BRINP3: variants seen among roughly 807,000 people sequenced by gnomAD.
BRINP3 encodes the protein BMP/retinoic acid-inducible neural-specific protein 3.
BRINP3 carries 19 observed loss-of-function variants against 71.0 expected under a neutral mutation model. That is an observed-to-expected ratio of 0.27 (90% confidence interval 0.19 to 0.39). The LOEUF is 0.39. BRINP3 is among the 10% of genes least tolerant of loss of function. The pLI is 1.00. For missense variants in BRINP3, 959 were observed against 940.8 expected (o/e 1.02, Z -0.25); for synonymous variants, 380 against 337.7 (o/e 1.13, Z -1.37).
chr1:190,470,191 T>C (rs1287550449), intron 1 of BRINP3, among the ~76,000 whole-genome samples: 1 of 150,514 alleles, frequency 6.6e-6, no homozygotes, highest in Admixed American at 6.6e-5. Context: ...GAAAAGTTAA[T>C]AAAAAAAAGC....
At chr1:190,286,860 CT>C (rs1180254830) in intron 2 of BRINP3, among the ~76,000 whole-genome samples, 3 of 151,988 alleles carry the variant, frequency 2.0e-5, no homozygotes, top group Non-Finnish European at 2.9e-5. Flanking sequence ...AGAAATGGCA[CT>C]AATGTCAATA....
At position 190,164,286 on chromosome 1, in the gene BRINP3, A is replaced by G. The variant is rs370338585; in HGVS notation, c.962-3396T>C. On this transcript the variant is annotated intron_variant, in intron 6 of 7. Transcript: ENST00000367462. The stretch of plus-strand genomic sequence containing the variant: ...AAGTTTTCTAGAGTTTTGAGGGTAT[A>G]TAATTTACTTCCTGAATTATGTAAA... 4.6e-5 allele frequency among the ~76,000 whole-genome samples: 7 copies of G among 152,296 alleles called. No individual in the cohort carries two copies. In the East Asian group the frequency reaches 1.3e-3, roughly 29 times the overall value.
intron 7 of BRINP3, among the ~76,000 whole-genome samples, chr1:190,099,706 C>T (rs1453208675): frequency 1.3e-5 from 2 of 152,154 alleles, no homozygotes; most frequent in Non-Finnish European, 2.9e-5. Context: ...TTGTCATCAA[C>T]ATTGAAAGAA....
intron 1 of BRINP3, among the ~76,000 whole-genome samples, chr1:190,459,063 A>T (rs896130156): frequency 5.9e-5 from 9 of 151,850 alleles, no homozygotes; most frequent in African/African-American, 2.2e-4. Context: ...ATAAAAAATA[A>T]GTCATAAATA....
intron 4 of BRINP3, among the ~76,000 whole-genome samples, chr1:190,251,334 C>G (rs1211930334): frequency 6.6e-6 from 1 of 151,944 alleles, no homozygotes; most frequent in African/African-American, 2.4e-5. Flanking sequence ...AAAATATTAA[C>G]TCTCCCTATT....
At chr1:190,234,512 C>A in intron 4 of BRINP3, 35 bp from the exon 5 acceptor site, 1 of 1,496,452 alleles carries the variant, frequency 6.7e-7, no homozygotes, top group Non-Finnish European at 9.3e-7. Flanking sequence ...TTATCTAAAT[C>A]AGACTTTACA....
At chr1:190,430,808 G>A (rs1674045899) in intron 2 of BRINP3, among the ~76,000 whole-genome samples, 1 of 152,064 alleles carries the variant, frequency 6.6e-6, no homozygotes, top group Non-Finnish European at 1.5e-5. Context: ...TATGAAGCAA[G>A]GAATCCAGTT....
intron 7 of BRINP3, among the ~76,000 whole-genome samples, chr1:190,105,124 C>A (rs560909987): frequency 6.6e-6 from 1 of 152,210 alleles, no homozygotes; most frequent in Admixed American, 6.5e-5. Flanking sequence ...GTCACTGTCT[C>A]TCCAGACTCT....
intron 6 of BRINP3, among the ~76,000 whole-genome samples, chr1:190,193,979 C>A (rs1030115450): frequency 6.6e-6 from 1 of 152,100 alleles, no homozygotes; most frequent in African/African-American, 2.4e-5. Context: ...CTCACCCCAC[C>A]TTTTGTTTAA....
chr1:190,450,251 C>T (rs774588247), intron 2 of BRINP3, among the ~76,000 whole-genome samples: 80 of 152,114 alleles, frequency 5.3e-4, no homozygotes, highest in Non-Finnish European at 9.3e-4. Flanking sequence ...TGACACAGCT[C>T]CCTTCTGTAT....
intron 2 of BRINP3, among the ~76,000 whole-genome samples, chr1:190,401,222 G>A (rs751776343): frequency 8.6e-5 from 13 of 151,788 alleles, no homozygotes; most frequent in African/African-American, 2.9e-4. Flanking sequence ...GCTGGGCATC[G>A]TGTTGGGCGC....
chr1:190,161,041 A>G (rs990384994), intron 6 of BRINP3, 151 bp from the exon 7 acceptor site: 1 of 562,900 alleles, frequency 1.8e-6, no homozygotes, highest in African/African-American at 1.9e-5. Flanking sequence ...TGAGTAGCAA[A>G]TTAATAGAAG....
At chr1:190,476,544 C>T (rs541235040) in intron 1 of BRINP3, among the ~76,000 whole-genome samples, 31 of 152,226 alleles carry the variant, frequency 2.0e-4, no homozygotes, top group African/African-American at 7.5e-4. Flanking sequence ...CAGTTAAGTC[C>T]ATAGAAATGT....
At chr1:190,313,112 A>G (rs192342930) in intron 2 of BRINP3, among the ~76,000 whole-genome samples, 1 of 152,050 alleles carries the variant, frequency 6.6e-6, no homozygotes, top group East Asian at 1.9e-4. Flanking sequence ...TTGAAAAAAA[A>G]TAAGTAAAAT....
intron 2 of BRINP3, among the ~76,000 whole-genome samples, chr1:190,442,055 A>C (rs1448174833): frequency 6.6e-6 from 1 of 152,176 alleles, no homozygotes; most frequent in African/African-American, 2.4e-5. Flanking sequence ...GGGAAAAAAA[A>C]CAAAACCCTA....
Position 190,160,693 on chromosome 1 carries a change from G to A in BRINP3, c.1159C>T (p.Pro387Ser). ...FSLSKRCHKQ[P>S]LISLPRQRTS... is the part of the protein sequence containing the mutation. Reference sequence around the variant, plus strand: ...CTTTGTCTTGGCAGGCTGATGAGGGGTTGTTTATGACACCTCTTGCTAAGG... The same window carrying A: ...CTTTGTCTTGGCAGGCTGATGAGGGATTGTTTATGACACCTCTTGCTAAGG... The change falls in exon 7 of 8, where the codon CCC becomes TCC. Residue 387 changes from proline to serine, a missense_variant. Pro to Ser is a moderately conservative substitution (Grantham distance 74). Transcript: ENST00000367462. The A allele has an allele frequency of 6.2e-7, 1 of 1,613,206 alleles. No homozygotes were observed. Among genetic ancestry groups the A allele is most frequent in the Non-Finnish European group, 8.5e-7 (1 of 1,179,578 alleles).
At position 190,264,923 on chromosome 1, in the gene BRINP3, T is replaced by A; in HGVS notation, c.560A>T (p.Asp187Val). ...AAGTCTCCGAAGGGTGCTGTCCCTG[T>A]CAATGAAATAAGAAGCGGCTAGCTG... is the stretch of plus-strand genomic sequence containing the variant. ...LHQLAASYFI[D>V]RDSTLRRLHH... is the part of the protein sequence containing the mutation. The change falls in exon 4 of 8, where the codon GAC becomes GTC. Residue 187 changes from aspartate to valine, a missense_variant. Asp to Val is a radical substitution (Grantham distance 152). Transcript: ENST00000367462. The A allele has an allele frequency of 6.2e-7, 1 of 1,613,880 alleles. No homozygotes were observed. The highest frequency in any genetic ancestry group is 1.1e-5 in the South Asian group (1 of 91,066).
chr1:190,149,625 T>TTGTG lies in BRINP3; in HGVS notation c.1184+11039_1184+11042dup, dbSNP rs71669261. ...GTGCACTTAGGATATTGTTGAGTAG[T>TTGTG]TGTGTGTGTGTGTGTGTGTGTGTGT... On this transcript the variant is annotated intron_variant, in intron 7 of 7. Transcript: ENST00000367462. Among the ~76,000 whole-genome samples the TTGTG allele has an allele frequency of 6.6e-3, 973 of 146,606 alleles. 8 individuals carry two copies. The highest frequency in any genetic ancestry group is 0.015 in the African/African-American group (611 of 40,310).
In BRINP3 at chr1:190,467,780, T is replaced by C. The variant is rs375420310; in HGVS notation, c.-51+9668A>G. The stretch of plus-strand genomic sequence containing the variant: ...TCTTCAAACTCAAAAGGTTATGAGG[T>C]ACTATTTCAAAAGAAAAGTAAACCA... On this transcript the variant is annotated intron_variant, in intron 1 of 7. Coordinates refer to ENST00000367462, the MANE Select transcript of BRINP3 (RefSeq NM_199051.3). Among the ~76,000 whole-genome samples, 62 of 151,718 alleles carry C rather than the reference T, an allele frequency of 4.1e-4. 1 individual carries two copies. Among genetic ancestry groups the C allele is most frequent in the African/African-American group, 1.5e-3 (62 of 41,522 alleles).
Sources: allele counts gnomAD v4.1 joint callset (sites outside exome capture counted in the v4.1 genomes callset), GRCh38; gene constraint gnomAD v4.1.1; transcripts MANE v1.5; gene names NCBI Gene and HGNC (gene_info 2026-07-23, HGNC 2026-07-21).